C8orf34: variants seen among roughly 807,000 people sequenced by gnomAD.
C8orf34 encodes uncharacterized protein C8orf34.
Under a neutral mutation model 68.3 loss-of-function variants are expected in C8orf34, and 65 were observed. That is an observed-to-expected ratio of 0.95 (90% CI 0.78 to 1.17). C8orf34 has a LOEUF of 1.17. Ranked by LOEUF, C8orf34 falls within the 50% of genes most tolerant of loss-of-function variation. The pLI is 0.00. For synonymous variants in C8orf34, 244 were observed against 241.2 expected, an observed-to-expected ratio of 1.01 and a Z score of -0.11; for missense variants, 664 against 655.4, an observed-to-expected ratio of 1.01 and a Z score of -0.14.
At chr8:68,449,906 A>C (rs2129627342) in intron 3 of C8orf34, among the ~76,000 whole-genome samples, 1 of 152,214 alleles carries the variant, frequency 6.6e-6, no homozygotes, top group African/African-American at 2.4e-5. Flanking sequence ...TTCATGAAAA[A>C]GTTATTCATA....
In C8orf34 at chr8:68,721,374, G is replaced by T. The variant is rs1460593936; in HGVS notation, c.1341G>T (p.Gly447=). The T allele has an allele frequency of 2.5e-6, 4 of 1,606,360 alleles. No individual in the cohort carries two copies. Among genetic ancestry groups the T allele is most frequent in the Non-Finnish European group, 3.4e-6 (4 of 1,174,598 alleles). ...AAATAAAAATAGATTCCTTGCCTGG[G>T]ACTGAAGAAGCACTAATGGAGGAGG... The part of the protein sequence containing the change: ...KIPDSFDSLP[G]TEEALMEEGD... The change falls in exon 10 of 14, where the codon GGG becomes GGT. Residue 447 remains glycine (G), a synonymous_variant. Coordinates refer to ENST00000518698, the MANE Select transcript of C8orf34 (RefSeq NM_052958.4).
intron 1 of C8orf34, among the ~76,000 whole-genome samples, chr8:68,352,119 A>G (rs1585967149): frequency 6.6e-6 from 1 of 151,996 alleles, no homozygotes; most frequent in Non-Finnish European, 1.5e-5. Flanking sequence ...ATTTTTTTGC[A>G]AATATTTTCT....
At chr8:68,701,886 A>T (rs992489639) in intron 8 of C8orf34, among the ~76,000 whole-genome samples, 20 of 151,874 alleles carry the variant, frequency 1.3e-4, no homozygotes, top group African/African-American at 4.8e-4. Flanking sequence ...ACTCCCTGTA[A>T]TGCTCTTTCC....
intron 10 of C8orf34, among the ~76,000 whole-genome samples, chr8:68,724,301 G>A (rs947535256): frequency 1.6e-4 from 25 of 151,992 alleles, no homozygotes; most frequent in African/African-American, 3.6e-4. Context: ...CTTTATTACC[G>A]TAAGAAATAC....
At chr8:68,620,376 G>A (rs1818351768) in intron 7 of C8orf34, among the ~76,000 whole-genome samples, 1 of 152,182 alleles carries the variant, frequency 6.6e-6, no homozygotes. Context: ...TGAAGGTGGA[G>A]CTGAGTCAGT....
intron 8 of C8orf34, among the ~76,000 whole-genome samples, chr8:68,679,460 G>A (rs1295023867): frequency 1.3e-5 from 2 of 152,026 alleles, no homozygotes; most frequent in African/African-American, 4.8e-5. Context: ...CCATATTCAT[G>A]GATTAGAAGA....
At chr8:68,393,343 G>T (rs749596104) in intron 1 of C8orf34, among the ~76,000 whole-genome samples, 3 of 152,130 alleles carry the variant, frequency 2.0e-5, no homozygotes, top group Non-Finnish European at 4.4e-5. Flanking sequence ...GCAGGAAATG[G>T]ATGGAGGACA....
intron 8 of C8orf34, among the ~76,000 whole-genome samples, chr8:68,655,005 A>C (rs1182811279): frequency 6.6e-6 from 1 of 152,158 alleles, no homozygotes; most frequent in Non-Finnish European, 1.5e-5. Flanking sequence ...AAATCCTCCA[A>C]ATATCTAATT....
At chr8:68,756,299 A>G (rs1478903655) in intron 10 of C8orf34, among the ~76,000 whole-genome samples, 1 of 152,178 alleles carries the variant, frequency 6.6e-6, no homozygotes, top group Non-Finnish European at 1.5e-5. Flanking sequence ...GATGCTATAG[A>G]TCACTTACAC....
At chr8:68,696,582 T>A (rs1310717883) in intron 8 of C8orf34, among the ~76,000 whole-genome samples, 1 of 151,794 alleles carries the variant, frequency 6.6e-6, no homozygotes, top group Non-Finnish European at 1.5e-5. Flanking sequence ...CTATATATAG[T>A]TTATATCTAT....
chr8:68,794,484 T>C (rs1309166445), intron 12 of C8orf34, among the ~76,000 whole-genome samples: 1 of 94,412 alleles, frequency 1.1e-5, no homozygotes, highest in Non-Finnish European at 1.8e-5. Context: ...TAAATATAAA[T>C]ATATATATAT....
At chr8:68,454,706 T>A (rs1340356900) in intron 3 of C8orf34, among the ~76,000 whole-genome samples, 1 of 152,034 alleles carries the variant, frequency 6.6e-6, no homozygotes, top group Non-Finnish European at 1.5e-5. Flanking sequence ...ACTTTTGGTT[T>A]TGCTGATTTT....
At chr8:68,553,384 CAAAAAAAA>C (rs553767784) in intron 7 of C8orf34, among the ~76,000 whole-genome samples, 1 of 13,654 alleles carries the variant, frequency 7.3e-5, no homozygotes, top group Admixed American at 6.3e-4. Context: ...GACTCCATCT[CAAAAAAAA>C]AAAAAAAAAA....
intron 10 of C8orf34, among the ~76,000 whole-genome samples, chr8:68,753,689 T>C (rs1225064809): frequency 6.6e-6 from 1 of 152,226 alleles, no homozygotes; most frequent in African/African-American, 2.4e-5. Flanking sequence ...TATGTGACCC[T>C]CTTTTAGAAT....
At chr8:68,514,678 AT>A (rs1341574497) in intron 5 of C8orf34, among the ~76,000 whole-genome samples, 2 of 152,222 alleles carry the variant, frequency 1.3e-5, no homozygotes, top group Non-Finnish European at 2.9e-5. Context: ...TATTAAAATT[AT>A]TTATTAAGAT....
chr8:68,418,258 C>T (rs956924124), intron 1 of C8orf34, among the ~76,000 whole-genome samples: 1 of 141,838 alleles, frequency 7.1e-6, no homozygotes, highest in African/African-American at 2.7e-5. Flanking sequence ...AATTTGACTT[C>T]CTCTTTTCCT....
chr8:68,392,289 GC>G (rs1808510101), intron 1 of C8orf34, among the ~76,000 whole-genome samples: 2 of 151,538 alleles, frequency 1.3e-5, no homozygotes, highest in South Asian at 4.2e-4. Flanking sequence ...TCATCCAAAT[GC>G]CCTTAATAAA....
intron 10 of C8orf34, among the ~76,000 whole-genome samples, chr8:68,734,881 T>C (rs1360251008): frequency 6.6e-6 from 1 of 152,200 alleles, no homozygotes; most frequent in African/African-American, 2.4e-5. Context: ...TTGATAGAGA[T>C]ACAGGTGGGG....
In C8orf34 at chr8:68,511,945, C is replaced by T. The variant is rs372695783; in HGVS notation, c.766-9854C>T. Among the ~76,000 whole-genome samples the T allele has an allele frequency of 1.5e-3, 223 of 152,310 alleles. 1 individual carries two copies. The highest frequency in any genetic ancestry group is 5.1e-3 in the African/African-American group (210 of 41,564). ...TTCTGATTTTAGTCCATTTAGTTAA[C>T]TCTGGTTTTGCTTGATATTTGGGAA... On this transcript the variant is annotated intron_variant, in intron 5 of 13. Coordinates refer to ENST00000518698, the MANE Select transcript of C8orf34 (RefSeq NM_052958.4).
Sources: gnomAD v4.1 joint callset for allele counts (sites outside exome capture counted in the v4.1 genomes callset) on GRCh38, gnomAD v4.1.1 for gene constraint, MANE v1.5 for transcripts, NCBI Gene and HGNC (gene_info 2026-07-23, HGNC 2026-07-21) for gene names.